The following CENPP variants were observed in gnomAD, a reference collection of about 807,000 sequenced individuals.
The protein encoded by CENPP is centromere protein P.
Under a neutral mutation model 35.6 loss-of-function variants are expected in CENPP, and 24 were observed. The ratio of observed to expected loss-of-function variants is 0.67; its 90% CI spans 0.49 to 0.95. CENPP has a LOEUF of 0.95. CENPP is among the 40% of genes least tolerant of loss of function. CENPP has a pLI of 0.00. For missense variants in CENPP, 332 were observed against 345.3 expected (o/e 0.96, Z 0.31); for synonymous variants, 120 against 125.5 (o/e 0.96, Z 0.29).
intron 4 of CENPP, among the ~76,000 whole-genome samples, chr9:92,365,858 T>C (rs1214918833): frequency 6.6e-6 from 1 of 151,950 alleles, no homozygotes; most frequent in Non-Finnish European, 1.5e-5. Context: ...TGTGGAGTTA[T>C]CTGCAAAATG....
intron 5 of CENPP, among the ~76,000 whole-genome samples, chr9:92,406,937 C>G (rs145754714): frequency 8.3e-4 from 126 of 152,268 alleles, no homozygotes; most frequent in African/African-American, 2.9e-3. Context: ...ACTCTTATTA[C>G]ATTTGATAAT....
At chr9:92,505,014 T>C (rs1017611444) in intron 5 of CENPP, among the ~76,000 whole-genome samples, 3 of 152,140 alleles carry the variant, frequency 2.0e-5, no homozygotes, top group Admixed American at 6.5e-5. Flanking sequence ...ACAGTTTTGG[T>C]AGGAACTGGG....
intron 5 of CENPP, among the ~76,000 whole-genome samples, chr9:92,408,181 G>A (rs959966127): frequency 1.3e-5 from 2 of 151,962 alleles, no homozygotes; most frequent in Admixed American, 1.3e-4. Flanking sequence ...CTGAGTTCTA[G>A]TTTTTGTTTG....
chr9:92,342,829 G>A (rs1841165059), intron 3 of CENPP, among the ~76,000 whole-genome samples: 2 of 152,170 alleles, frequency 1.3e-5, no homozygotes, highest in East Asian at 3.8e-4. Context: ...ATACCAACTT[G>A]TGTATGTATG....
At chr9:92,385,812 A>G (rs946099759) in intron 5 of CENPP, 4 of 1,613,306 alleles carry the variant, frequency 2.5e-6, no homozygotes, top group Non-Finnish European at 1.7e-6. Context: ...CGAGGAAAAC[A>G]TTGTTCAGAA....
chr9:92,582,124 G>T (rs1346702389), intron 5 of CENPP, among the ~76,000 whole-genome samples: 1 of 152,054 alleles, frequency 6.6e-6, no homozygotes, highest in Non-Finnish European at 1.5e-5. Flanking sequence ...CATGATCTTG[G>T]CTCACTGAAG....
At chr9:92,609,799 G>A (rs979825321) in intron 5 of CENPP, among the ~76,000 whole-genome samples, 2 of 152,172 alleles carry the variant, frequency 1.3e-5, no homozygotes, top group African/African-American at 2.4e-5. Context: ...GGAGTGCAGT[G>A]GCACGATCTC....
chr9:92,423,170 C>A (rs1260052823), intron 5 of CENPP, among the ~76,000 whole-genome samples: 1 of 152,062 alleles, frequency 6.6e-6, no homozygotes, highest in Admixed American at 6.5e-5. Context: ...TTGAATATTT[C>A]TTCATCACAA....
At chr9:92,538,823 C>T (rs1217921094) in intron 5 of CENPP, among the ~76,000 whole-genome samples, 11 of 152,176 alleles carry the variant, frequency 7.2e-5, no homozygotes, top group Non-Finnish European at 1.5e-4. Context: ...GAGCATTACC[C>T]GTGCCACAGG....
At chr9:92,403,191 G>A in intron 5 of CENPP, 4 of 1,324,002 alleles carry the variant, frequency 3.0e-6, no homozygotes, top group Non-Finnish European at 3.1e-6. Context: ...GCATTTAAAT[G>A]GGCAGTATTT....
chr9:92,357,461 CATTATTATTATTATT>C (rs36222751), intron 4 of CENPP, among the ~76,000 whole-genome samples: 33,087 of 143,326 alleles, frequency 0.23, 4,895 homozygotes, highest in African/African-American at 0.41. Flanking sequence ...TCATCTCCCT[CATTATTATTATTATT>C]ATTATTATTA....
chr9:92,509,888 A>G (rs1244538384), intron 5 of CENPP: 1 of 1,595,924 alleles, frequency 6.3e-7, no homozygotes, highest in Non-Finnish European at 8.5e-7. Flanking sequence ...TGAAAAACAA[A>G]TATTAAATAC....
At chr9:92,445,802 G>C (rs1844537817) in intron 5 of CENPP, among the ~76,000 whole-genome samples, 1 of 151,756 alleles carries the variant, frequency 6.6e-6, no homozygotes, top group African/African-American at 2.4e-5. Context: ...AGAATCACTT[G>C]AACCTGAGAG....
At chr9:92,435,925 C>G (rs1844235426) in intron 5 of CENPP, among the ~76,000 whole-genome samples, 1 of 152,134 alleles carries the variant, frequency 6.6e-6, no homozygotes. Flanking sequence ...GGTACATGCC[C>G]AGAGTATAAT....
In CENPP at chr9:92,566,297, C is replaced by T. The variant is rs1465723437; in HGVS notation, c.565-45017C>T. 3.7e-4 allele frequency among the ~76,000 whole-genome samples: 55 copies of T among 147,330 alleles called. 1 individual carries two copies. The highest frequency in any genetic ancestry group is 4.5e-4 in the Non-Finnish European group (30 of 67,194). ...CGTGGGCGACAGAGTGAGTCTCCATCTCAAAAAAAAAAAACAAAAACACAA... is the reference window on the plus strand; with the variant it reads ...CGTGGGCGACAGAGTGAGTCTCCATTTCAAAAAAAAAAAACAAAAACACAA... On this transcript the variant is annotated intron_variant, in intron 5 of 7. Coordinates refer to ENST00000375587, the MANE Select transcript of CENPP (RefSeq NM_001012267.3).
chr9:92,615,677 CTCT>C lies in CENPP; in HGVS notation c.*2531_*2533del. 1.7e-6 allele frequency: 1 copy of C among 605,004 alleles called. No homozygotes were observed. The highest frequency in any genetic ancestry group is 2.8e-5 in the East Asian group (1 of 35,506). 37.5% of individuals were successfully genotyped at this position (605,004 alleles called of 1,614,324 possible). A position where few individuals can be genotyped will look rare whatever the true frequency, so the allele number is the denominator to read the frequency against. On this transcript the variant is annotated 3_prime_UTR_variant, in exon 8 of 8. Coordinates refer to ENST00000375587, the MANE Select transcript of CENPP (RefSeq NM_001012267.3). ...CTTGTCCAGGAAGTTGTTTCTAGTG[CTCT>C]TCAATTCCATGTCTCCAAGAGGCAA...
intron 5 of CENPP, among the ~76,000 whole-genome samples, chr9:92,480,219 C>G (rs1455924590): frequency 6.6e-6 from 1 of 152,202 alleles, no homozygotes; most frequent in Non-Finnish European, 1.5e-5. Context: ...TTTCAAGTCT[C>G]TCTTAATCAG....
intron 5 of CENPP, chr9:92,389,724 A>C (rs1842590160): frequency 6.3e-6 from 4 of 631,288 alleles, no homozygotes; most frequent in Non-Finnish European, 1.1e-5. Flanking sequence ...TTATTATGTA[A>C]ATAATGTCTT....
At chr9:92,545,748 C>T (rs943079412) in intron 5 of CENPP, among the ~76,000 whole-genome samples, 1 of 152,194 alleles carries the variant, frequency 6.6e-6, no homozygotes, top group African/African-American at 2.4e-5. Flanking sequence ...TTTGGAGAAC[C>T]TTTATGTCTA....
Sources: allele counts gnomAD v4.1 joint callset (sites outside exome capture counted in the v4.1 genomes callset), GRCh38; gene constraint gnomAD v4.1.1; transcripts MANE v1.5; gene names NCBI Gene and HGNC (gene_info 2026-07-23, HGNC 2026-07-21).